Variants in SPATS2L observed in about 807,000 individuals in gnomAD.
The protein encoded by SPATS2L is SPATS2-like protein.
In SPATS2L, 30 loss-of-function variants were observed where a neutral mutation model predicts 59.6. The observed-to-expected ratio is 0.50, with a 90% CI of 0.38 to 0.68. The LOEUF is 0.68. Among genes scored for constraint, SPATS2L ranks in the 30% least tolerant of loss-of-function variants. The pLI, the probability that SPATS2L is intolerant of heterozygous loss-of-function variation, is 0.00. For missense variants in SPATS2L, 615 were observed against 700.0 expected (o/e 0.88, Z 1.37); for synonymous variants, 252 against 263.5 (o/e 0.96, Z 0.42).
intron 7 of SPATS2L, 44 bp from the exon 8 acceptor site, chr2:200,440,605 G>A: frequency 6.3e-7 from 1 of 1,583,770 alleles, no homozygotes; most frequent in Non-Finnish European, 8.6e-7. Flanking sequence ...ACAAACAAAG[G>A]ATTAAATGCT....
chr2:200,467,553 G>A (rs1194772821), intron 10 of SPATS2L, among the ~76,000 whole-genome samples, 154 bp downstream of exon 10: 1 of 152,192 alleles, frequency 6.6e-6, no homozygotes, highest in Non-Finnish European at 1.5e-5. Context: ...GAAGGGGGAA[G>A]ACCCACATAA....
intron 11 of SPATS2L, among the ~76,000 whole-genome samples, chr2:200,471,500 A>G (rs1434874887): frequency 6.6e-6 from 1 of 152,092 alleles, no homozygotes; most frequent in Admixed American, 6.6e-5. Flanking sequence ...AGTGGGAGAA[A>G]TGGTCCCTTA....
chr2:200,389,391 A>G, intron 3 of SPATS2L, 108 bp downstream of exon 3: 1 of 728,974 alleles, frequency 1.4e-6, no homozygotes, highest in Admixed American at 2.7e-5. Context: ...GTTTTGGGGG[A>G]TACGTAGTAA....
chr2:200,443,425 C>T (rs1012733689), intron 8 of SPATS2L, among the ~76,000 whole-genome samples: 4 of 152,102 alleles, frequency 2.6e-5, no homozygotes, highest in Admixed American at 2.6e-4. Context: ...GCAGTTGTAG[C>T]CTCAGGATTA....
chr2:200,442,162 C>CA (rs1455561079), intron 8 of SPATS2L, among the ~76,000 whole-genome samples: 2 of 152,208 alleles, frequency 1.3e-5, no homozygotes, highest in South Asian at 4.1e-4. Flanking sequence ...ATAACCTAAC[C>CA]AATTGTTGAA....
At chr2:200,363,064 G>T (rs2081160027) in intron 2 of SPATS2L, among the ~76,000 whole-genome samples, 1 of 152,122 alleles carries the variant, frequency 6.6e-6, no homozygotes, top group African/African-American at 2.4e-5. Flanking sequence ...TACTGCCATT[G>T]CCCCTCGATC....
At chr2:200,320,533 T>G (rs1334181089) in intron 1 of SPATS2L, among the ~76,000 whole-genome samples, 1 of 152,166 alleles carries the variant, frequency 6.6e-6, no homozygotes, top group Non-Finnish European at 1.5e-5. Flanking sequence ...ATCATGATAT[T>G]CTCATCTCCT....
At position 200,472,942 on chromosome 2, in the gene SPATS2L, T is replaced by C; in HGVS notation, c.1171T>C (p.Ser391Pro). ...GAAACAGAGTAACTTTTCCCGAAAA[T>C]CATCCACTCACAATAAGCCCTCTGA... ...SGKQSNFSRKSSTHNKPSEGK... is the reference protein window; with the variant it reads ...SGKQSNFSRKPSTHNKPSEGK... The change falls in exon 12 of 13, where the codon TCA (serine) becomes CCA (proline). Residue 391 changes from serine to proline, a missense_variant. Ser to Pro is a moderately conservative substitution (Grantham distance 74, BLOSUM62 -1). This residue lies in a region of SPATS2L where 284 missense variants were observed against 280.1 expected (regional missense o/e 1.01). Coordinates refer to ENST00000409140, the MANE Select transcript of SPATS2L (RefSeq NM_001100423.2). 1 of 1,613,562 alleles carries C rather than the reference T, an allele frequency of 6.2e-7. No individual in the cohort carries two copies.
chr2:200,419,831 A>G (rs920457329), intron 6 of SPATS2L, among the ~76,000 whole-genome samples: 1 of 151,120 alleles, frequency 6.6e-6, no homozygotes, highest in Non-Finnish European at 1.5e-5. Context: ...CTGCCTTGGC[A>G]TCCCAAAGTG....
intron 8 of SPATS2L, among the ~76,000 whole-genome samples, chr2:200,454,756 G>T (rs1289581143): frequency 6.6e-6 from 1 of 152,124 alleles, no homozygotes; most frequent in Non-Finnish European, 1.5e-5. Flanking sequence ...GGTCCGCGTG[G>T]ATTTTACGGG....
At chr2:200,458,556 C>A (rs1394723811) in intron 8 of SPATS2L, among the ~76,000 whole-genome samples, 1 of 152,070 alleles carries the variant, frequency 6.6e-6, no homozygotes, top group Non-Finnish European at 1.5e-5. Context: ...ATGTAATCAG[C>A]AAAATTCAGG....
chr2:200,447,714 T>C (rs1449953810), intron 8 of SPATS2L, among the ~76,000 whole-genome samples: 1 of 152,194 alleles, frequency 6.6e-6, no homozygotes, highest in Non-Finnish European at 1.5e-5. Context: ...AGTGTAGTTG[T>C]ACAGTAATAA....
chr2:200,440,099 T>C (rs878865594), intron 7 of SPATS2L, among the ~76,000 whole-genome samples: 1 of 152,206 alleles, frequency 6.6e-6, no homozygotes, highest in Admixed American at 6.5e-5. Flanking sequence ...CTGGTGACAG[T>C]TGCAGGAAAT....
chr2:200,451,827 T>C (rs1482021835), intron 8 of SPATS2L, among the ~76,000 whole-genome samples: 1 of 121,894 alleles, frequency 8.2e-6, no homozygotes, highest in Non-Finnish European at 2.0e-5. Context: ...ACCGTTTTCT[T>C]TTTTCTTTTC....
chr2:200,459,740 C>CTTTTGT (rs754381610), intron 8 of SPATS2L, 29 bp from the exon 9 acceptor site: 7 of 1,571,204 alleles, frequency 4.5e-6, no homozygotes, highest in Non-Finnish European at 6.1e-6. Context: ...GCATTCTTTG[C>CTTTTGT]TTTTGTTTTT....
At chr2:200,439,781 G>C (rs573649789) in intron 7 of SPATS2L, among the ~76,000 whole-genome samples, 1 of 152,114 alleles carries the variant, frequency 6.6e-6, no homozygotes, top group East Asian at 1.9e-4. Context: ...ATTCAGTTCT[G>C]TGTTAGAATT....
chr2:200,434,190 T>C (rs910587666), intron 6 of SPATS2L, among the ~76,000 whole-genome samples: 3 of 151,856 alleles, frequency 2.0e-5, no homozygotes, highest in African/African-American at 7.2e-5. Context: ...AGGAGAACAA[T>C]AATATGATCA....
chr2:200,464,889 T>C (rs1311071274), intron 9 of SPATS2L, among the ~76,000 whole-genome samples: 1 of 152,224 alleles, frequency 6.6e-6, no homozygotes, highest in Admixed American at 6.5e-5. Flanking sequence ...ATATATTGAA[T>C]TATAATGGCA....
intron 2 of SPATS2L, among the ~76,000 whole-genome samples, chr2:200,341,925 C>T (rs911795314): frequency 5.9e-5 from 9 of 151,976 alleles, no homozygotes; most frequent in Non-Finnish European, 8.8e-5. Context: ...CTCCTGACCA[C>T]GATCCGCCTA....
Sources: gnomAD v4.1 joint callset for allele counts (sites outside exome capture counted in the v4.1 genomes callset) on GRCh38, gnomAD v4.1.1 for gene constraint, gnomAD v4.1.1 regional missense constraint, MANE v1.5 for transcripts, NCBI Gene and HGNC (gene_info 2026-07-23, HGNC 2026-07-21) for gene names.